OPCML: variants seen among roughly 807,000 people sequenced by gnomAD.
OPCML encodes the protein opioid binding protein/cell adhesion molecule like.
Under a neutral mutation model 37.8 loss-of-function variants are expected in OPCML, and 13 were observed. That is an observed-to-expected ratio of 0.34 (90% CI 0.22 to 0.55). OPCML has a LOEUF of 0.55. OPCML is among the 20% of genes least tolerant of loss of function. The pLI, the probability that OPCML is intolerant of heterozygous loss-of-function variation, is 0.91. For synonymous variants in OPCML, 176 were observed against 168.8 expected, an observed-to-expected ratio of 1.04 and a Z score of -0.33; for missense variants, 341 against 435.6, an observed-to-expected ratio of 0.78 and a Z score of 1.93.
chr11:133,161,985 C>CTTTTTTTTTTT lies in OPCML; in HGVS notation c.62-218986_62-218976dup, dbSNP rs553617547. ...AACAGGTAAGAGAGGCAGTCTCTGT[C>CTTTTTTTTTTT]TTTTTTTTTTTTTTTTTTTTTTTTT... On this transcript the variant is annotated intron_variant, in intron 1 of 7. Coordinates refer to ENST00000524381, the MANE Select transcript of OPCML (RefSeq NM_001012393.5). Among the ~76,000 whole-genome samples the CTTTTTTTTTTT allele has an allele frequency of 1.1e-3, 93 of 85,482 alleles. 1 individual carries two copies. The highest frequency in any genetic ancestry group is 1.8e-3 in the East Asian group (5 of 2,746). The allele number at this position is 85,482 out of a possible 152,430, so 56.1% of individuals were successfully genotyped here. A position where few individuals can be genotyped will look rare whatever the true frequency, so the allele number is the denominator to read the frequency against.
intron 2 of OPCML, among the ~76,000 whole-genome samples, chr11:132,809,946 T>C (rs770754298): frequency 3.2e-4 from 49 of 151,748 alleles, no homozygotes; most frequent in South Asian, 6.3e-4. Context: ...GCCTCCCGGG[T>C]TCACGCCATT....
intron 2 of OPCML, among the ~76,000 whole-genome samples, chr11:132,752,160 G>A (rs751196996): frequency 6.6e-6 from 1 of 152,084 alleles, no homozygotes; most frequent in Non-Finnish European, 1.5e-5. Context: ...TGCATGGGGA[G>A]GAGTGTTTTT....
At chr11:132,804,314 A>G (rs1938867607) in intron 2 of OPCML, among the ~76,000 whole-genome samples, 2 of 152,186 alleles carry the variant, frequency 1.3e-5, no homozygotes, top group Admixed American at 6.5e-5. Flanking sequence ...GCCCAAGTGG[A>G]AAAATCATAT....
rs1401724121 is a variant in OPCML at position 133,108,933 on chromosome 11, G to A, written c.62-165923C>T. Among the ~76,000 whole-genome samples the A allele has an allele frequency of 2.6e-5, 4 of 152,112 alleles. No individual in the cohort carries two copies. The East Asian group carries it at 7.7e-4, about 29-fold the overall frequency. ...AGGAAGCCTGACTCCACTGCTCAGG[G>A]CCCTTTGCAGGCCTCATGAGGACTC... On this transcript the variant is annotated intron_variant, in intron 1 of 7. Coordinates refer to ENST00000524381, the MANE Select transcript of OPCML (RefSeq NM_001012393.5).
intron 1 of OPCML, among the ~76,000 whole-genome samples, chr11:133,453,654 C>T (rs1946620917): frequency 6.6e-6 from 1 of 152,154 alleles, no homozygotes; most frequent in Admixed American, 6.5e-5. Flanking sequence ...GTTTCCTAAA[C>T]ACAGCTCAGC....
chr11:132,681,180 G>C (rs1455804512), intron 2 of OPCML, among the ~76,000 whole-genome samples: 1 of 152,174 alleles, frequency 6.6e-6, no homozygotes, highest in Admixed American at 6.5e-5. Context: ...GAAATTCTAG[G>C]CAGAAAAGGG....
chr11:132,892,224 G>A (rs1034929455), intron 2 of OPCML, among the ~76,000 whole-genome samples: 31 of 152,180 alleles, frequency 2.0e-4, no homozygotes, highest in African/African-American at 6.7e-4. Context: ...AATTTACAGC[G>A]GAAAAGGCAG....
chr11:133,175,878 A>AT (rs1466470406), intron 1 of OPCML, among the ~76,000 whole-genome samples: 1 of 152,162 alleles, frequency 6.6e-6, no homozygotes, highest in Non-Finnish European at 1.5e-5. Flanking sequence ...TCTTTATTCC[A>AT]TAAAAAAAAG....
intron 1 of OPCML, among the ~76,000 whole-genome samples, chr11:133,329,129 A>T (rs1296844062): frequency 6.6e-6 from 1 of 152,194 alleles, no homozygotes; most frequent in African/African-American, 2.4e-5. Flanking sequence ...CTTACAAGGG[A>T]TGTGAAGGAC....
At chr11:132,519,717 A>G (rs1211417256) in intron 4 of OPCML, among the ~76,000 whole-genome samples, 1 of 152,180 alleles carries the variant, frequency 6.6e-6, no homozygotes, top group African/African-American at 2.4e-5. Flanking sequence ...TTGTTTGCCC[A>G]TAACTGTTCC....
chr11:132,594,484 T>C (rs2137728645), intron 3 of OPCML, among the ~76,000 whole-genome samples: 1 of 152,328 alleles, frequency 6.6e-6, no homozygotes, highest in East Asian at 1.9e-4. Context: ...TATTGAAATG[T>C]ATGCTTTTAT....
intron 1 of OPCML, among the ~76,000 whole-genome samples, chr11:133,340,390 T>G (rs926372858): frequency 2.6e-5 from 4 of 152,174 alleles, no homozygotes; most frequent in African/African-American, 9.7e-5. Flanking sequence ...AGTGGTAGAC[T>G]CAAAAGACTG....
chr11:132,715,379 C>T (rs1340665591), intron 2 of OPCML, among the ~76,000 whole-genome samples: 1 of 152,196 alleles, frequency 6.6e-6, no homozygotes, highest in East Asian at 1.9e-4. Flanking sequence ...GTGTCAAGAA[C>T]ACAGACTCTG....
chr11:132,529,203 T>C lies in OPCML; in HGVS notation c.380-17A>G. 1 of 1,597,280 alleles carries C rather than the reference T, an allele frequency of 6.3e-7. No homozygotes were observed. Among genetic ancestry groups the C allele is most frequent in the Non-Finnish European group, 8.5e-7 (1 of 1,171,154 alleles). Reference sequence around the variant, plus strand: ...GAGGAGGAACTGTAAGGAAACAGGATAGAAGAAATACCTGAGAATAATTCT... The same window carrying C: ...GAGGAGGAACTGTAAGGAAACAGGACAGAAGAAATACCTGAGAATAATTCT... On this transcript the variant is annotated splice_polypyrimidine_tract_variant and intron_variant, in intron 3 of 7. Coordinates refer to ENST00000524381, the MANE Select transcript of OPCML (RefSeq NM_001012393.5).
At chr11:133,428,429 C>T (rs983115206) in intron 1 of OPCML, among the ~76,000 whole-genome samples, 5 of 152,088 alleles carry the variant, frequency 3.3e-5, no homozygotes, top group Non-Finnish European at 5.9e-5. Flanking sequence ...CATTATGTCT[C>T]CTTCAAAAAC....
intron 1 of OPCML, among the ~76,000 whole-genome samples, chr11:133,001,428 G>A (rs77337374): frequency 6.6e-6 from 1 of 152,088 alleles, no homozygotes; most frequent in Non-Finnish European, 1.5e-5. Context: ...AAAGAAGAAG[G>A]CTATGTTTTT....
chr11:133,226,471 C>T (rs796441179), intron 1 of OPCML, among the ~76,000 whole-genome samples: 19 of 152,336 alleles, frequency 1.2e-4, no homozygotes, highest in African/African-American at 4.6e-4. Flanking sequence ...TTTCTTGTAT[C>T]CCTGAAGGAA....
chr11:132,729,864 A>G (rs1317463341), intron 2 of OPCML, among the ~76,000 whole-genome samples: 7 of 152,108 alleles, frequency 4.6e-5, no homozygotes, highest in African/African-American at 1.7e-4. Context: ...TATTCTACCA[A>G]AGGCAAGTAG....
At chr11:132,673,587 G>A (rs1018414894) in intron 2 of OPCML, among the ~76,000 whole-genome samples, 2 of 152,012 alleles carry the variant, frequency 1.3e-5, no homozygotes, top group Admixed American at 1.3e-4. Flanking sequence ...AGGGTTGGGA[G>A]GTGGAAAAAA....
Sources: gnomAD v4.1 joint callset for allele counts (sites outside exome capture counted in the v4.1 genomes callset) on GRCh38, gnomAD v4.1.1 for gene constraint, MANE v1.5 for transcripts, NCBI Gene and HGNC (gene_info 2026-07-23, HGNC 2026-07-21) for gene names.